Variants in DCDC2C observed in about 807,000 individuals in gnomAD.
DCDC2C encodes the protein doublecortin domain containing 2C.
Under a neutral mutation model 45.0 loss-of-function variants are expected in DCDC2C, and 44 were observed. The ratio of observed to expected loss-of-function variants is 0.98; its 90% confidence interval spans 0.77 to 1.26. The LOEUF is 1.26. Ranked by LOEUF, DCDC2C falls within the 50% of genes most tolerant of loss-of-function variation. The pLI, the probability that DCDC2C is intolerant of heterozygous loss-of-function variation, is 0.00. For missense variants in DCDC2C, 447 were observed against 468.9 expected (o/e 0.95, Z 0.43); for synonymous variants, 187 against 178.8 (o/e 1.05, Z -0.37).
intron 4 of DCDC2C, among the ~76,000 whole-genome samples, chr2:3,742,729 C>T (rs1220530115): frequency 6.6e-6 from 1 of 152,122 alleles, no homozygotes; most frequent in Non-Finnish European, 1.5e-5. Flanking sequence ...ATTATGATTG[C>T]GACAGTGGAT....
At chr2:3,775,154 GA>G (rs1670299650) in intron 8 of DCDC2C, among the ~76,000 whole-genome samples, 3 of 128,190 alleles carry the variant, frequency 2.3e-5, no homozygotes, top group Non-Finnish European at 5.0e-5. Flanking sequence ...CTGTGGCTGT[GA>G]GCTAGGCAGC....
At chr2:3,790,490 G>A (rs17018062) in intron 10 of DCDC2C, among the ~76,000 whole-genome samples, 19,933 of 152,150 alleles carry the variant, frequency 0.13, 1,457 homozygotes, top group East Asian at 0.29. Flanking sequence ...AATCAGTGGA[G>A]GGTTTTCATT....
At chr2:3,833,310 G>A (rs184523424) in intron 10 of DCDC2C, among the ~76,000 whole-genome samples, 66 of 152,296 alleles carry the variant, frequency 4.3e-4, no homozygotes, top group Admixed American at 3.9e-3. Flanking sequence ...ATAGTCACAG[G>A]TTCTGGGCTT....
chr2:3,766,310 G>GCATACA (rs775538945), intron 6 of DCDC2C, among the ~76,000 whole-genome samples: 3 of 146,070 alleles, frequency 2.1e-5, no homozygotes, highest in African/African-American at 7.5e-5. Context: ...ACACACACAC[G>GCATACA]CACACACACA....
chr2:3,847,275 C>T lies in DCDC2C; in HGVS notation c.*92C>T. 1.1e-6 allele frequency: 1 copy of T among 930,852 alleles called. No homozygotes were observed. The highest frequency in any genetic ancestry group is 1.4e-6 in the Non-Finnish European group (1 of 713,874). The allele number at this position is 930,852 out of a possible 1,614,324, so 57.7% of individuals were successfully genotyped here. A position where few individuals can be genotyped will look rare whatever the true frequency, so the allele number is the denominator to read the frequency against. On this transcript the variant is annotated 3_prime_UTR_variant, in exon 11 of 11. Transcript: ENST00000399143. The stretch of plus-strand genomic sequence containing the variant: ...GGACATTTTAACAGCAAGAAAATCA[C>T]ATGTGGGGTGAAACTAAAGCCCCAC...
chr2:3,738,019 AAT>A (rs1305077835), intron 3 of DCDC2C, among the ~76,000 whole-genome samples: 1 of 152,170 alleles, frequency 6.6e-6, no homozygotes, highest in East Asian at 1.9e-4. Context: ...GCCAATGGTA[AAT>A]ATATATTTTT....
chr2:3,754,678 T>G (rs1353454426), intron 6 of DCDC2C, 44 bp downstream of exon 6: 1 of 1,516,392 alleles, frequency 6.6e-7, no homozygotes, highest in Admixed American at 2.0e-5. Context: ...TTTCTGATTC[T>G]GGCGTCTTCT....
intron 8 of DCDC2C, among the ~76,000 whole-genome samples, chr2:3,777,452 G>T (rs1423512489): frequency 6.6e-6 from 1 of 152,152 alleles, no homozygotes; most frequent in Non-Finnish European, 1.5e-5. Context: ...TCAGTATGGT[G>T]GGTGTCCTCT....
chr2:3,725,609 T>TGCCCGGTGGATCCC (rs1668637877), intron 2 of DCDC2C, among the ~76,000 whole-genome samples: 3 of 113,932 alleles, frequency 2.6e-5, no homozygotes, highest in Non-Finnish European at 5.5e-5. Flanking sequence ...AGGTGGATCC[T>TGCCCGGTGGATCCC]GGAGGGAGAC....
rs1320430671 is a variant in DCDC2C, at chr2:3,761,501, T to C, written c.727-6253T>C. Among the ~76,000 whole-genome samples, 1 of 152,220 alleles carries C rather than the reference T, an allele frequency of 6.6e-6. No individual in the cohort carries two copies. The highest frequency in any genetic ancestry group is 1.9e-4 in the East Asian group (1 of 5,196). On this transcript the variant is annotated intron_variant, in intron 6 of 10. Coordinates refer to ENST00000399143, the MANE Select transcript of DCDC2C (RefSeq NM_001287444.2). The surrounding 1 kb of genome is among the most constrained non-coding windows in gnomAD (Gnocchi z 4.3). Reference sequence around the variant, plus strand: ...TCACTGTGAAATGAGTGCTTTGGAATTGACATTTGCTGGCTAATCATGTCA... The same window carrying C: ...TCACTGTGAAATGAGTGCTTTGGAACTGACATTTGCTGGCTAATCATGTCA...
rs143445371 is a variant in DCDC2C, at chr2:3,747,178, G to A, written c.545+5130G>A. On this transcript the variant is annotated intron_variant, in intron 4 of 10. Coordinates refer to ENST00000399143, the MANE Select transcript of DCDC2C (RefSeq NM_001287444.2). ...ACACAGCACACACATGTGTGTTCCC[G>A]TGGCCCACACCTGTGAACTGGCCCC... Among the ~76,000 whole-genome samples, 607 of 152,302 alleles carry A rather than the reference G, an allele frequency of 4.0e-3. 5 individuals carry two copies. The highest frequency in any genetic ancestry group is 0.014 in the African/African-American group (576 of 41,568).
Position 3,809,730 on chromosome 2 carries a change from A to G in DCDC2C, c.1065+24630A>G, listed in dbSNP as rs569879986. 6.6e-5 allele frequency among the ~76,000 whole-genome samples: 10 copies of G among 151,760 alleles called. No individual in the cohort carries two copies. The East Asian group carries it at 1.9e-3, about 29-fold the overall frequency. ...GCTGCACCTATTGACTTGTTCTCTAAGCTCCCTCCCCTTACCCCCAACCCC... is the reference window on the plus strand; with the variant it reads ...GCTGCACCTATTGACTTGTTCTCTAGGCTCCCTCCCCTTACCCCCAACCCC... On this transcript the variant is annotated intron_variant, in intron 10 of 10. Coordinates refer to ENST00000399143, the MANE Select transcript of DCDC2C (RefSeq NM_001287444.2).
chr2:3,747,234 G>A (rs543855884), intron 4 of DCDC2C, among the ~76,000 whole-genome samples: 13 of 152,304 alleles, frequency 8.5e-5, no homozygotes, highest in South Asian at 6.2e-4. Context: ...TTCCCGCCTC[G>A]GTTTCTGTGC....
intron 10 of DCDC2C, among the ~76,000 whole-genome samples, chr2:3,822,510 T>C (rs1332678567): frequency 6.6e-6 from 1 of 151,968 alleles, no homozygotes; most frequent in Non-Finnish European, 1.5e-5. Context: ...TCTCTTTTTT[T>C]CTTGATCAGT....
chr2:3,732,130 G>T (rs1318664826), intron 3 of DCDC2C, among the ~76,000 whole-genome samples: 1 of 152,184 alleles, frequency 6.6e-6, no homozygotes, highest in African/African-American at 2.4e-5. Context: ...CCAGTGGAAG[G>T]CTGGATGTGG....
chr2:3,813,457 A>G (rs754587194), intron 10 of DCDC2C, among the ~76,000 whole-genome samples: 1 of 152,060 alleles, frequency 6.6e-6, no homozygotes, highest in Non-Finnish European at 1.5e-5. Flanking sequence ...ACTCCTGAAT[A>G]TCCTTGTTAA....
intron 10 of DCDC2C, among the ~76,000 whole-genome samples, chr2:3,829,520 A>T (rs1192342223): frequency 6.6e-6 from 1 of 152,104 alleles, no homozygotes; most frequent in Non-Finnish European, 1.5e-5. Context: ...ACATGTTCCC[A>T]GTTCAAAAGC....
chr2:3,825,634 G>A (rs79070226), intron 10 of DCDC2C, among the ~76,000 whole-genome samples: 18,027 of 152,204 alleles, frequency 0.12, 1,366 homozygotes, highest in East Asian at 0.18. Flanking sequence ...CTGGTCTCCA[G>A]TGTGGTCATG....
intron 10 of DCDC2C, among the ~76,000 whole-genome samples, chr2:3,839,723 T>C (rs936267442): frequency 2.6e-5 from 4 of 152,236 alleles, no homozygotes; most frequent in Non-Finnish European, 4.4e-5. Flanking sequence ...GCTTCTCGAA[T>C]TCCTCCTTCC....
Sources: gnomAD v4.1 joint callset for allele counts (sites outside exome capture counted in the v4.1 genomes callset) on GRCh38, gnomAD v4.1.1 for gene constraint, Gnocchi (gnomAD v3.1) non-coding constraint, MANE v1.5 for transcripts, NCBI Gene and HGNC (gene_info 2026-07-23, HGNC 2026-07-21) for gene names.